Variants in NIN observed in about 807,000 individuals in gnomAD.
NIN encodes the protein glycogen synthase kinase 3 beta-interacting protein.
Under a neutral mutation model 257.6 loss-of-function variants are expected in NIN, and 137 were observed. The ratio of observed to expected loss-of-function variants is 0.53; its 90% CI spans 0.46 to 0.61. The LOEUF (loss-of-function observed/expected upper bound fraction) is 0.61. Ranked by LOEUF, NIN falls within the 20% of genes least tolerant of loss-of-function variation. The pLI is 0.00. For synonymous variants in NIN, 918 were observed against 919.8 expected (o/e 1.00, Z 0.04); for missense variants, 2,439 against 2,501.2 (o/e 0.98, Z 0.53).
chr14:50,743,276 C>T (rs1308696606), intron 24 of NIN, 140 bp downstream of exon 24: 1 of 613,992 alleles, frequency 1.6e-6, no homozygotes, highest in East Asian at 3.0e-5. Context: ...ACTATAAACA[C>T]ACATCAAACA....
rs1437317414 is a variant in NIN, at chr14:50,743,537, A to C, written c.5188-8T>G. On this transcript the variant is annotated splice_region_variant and splice_polypyrimidine_tract_variant and intron_variant, in intron 23 of 30. Coordinates refer to ENST00000530997, the MANE Select transcript of NIN (RefSeq NM_020921.4). ...AAGACTTGATTTTGCCAACTGTTTC[A>C]GGAAGGGAAAAAGAGGTAAGAGGGC... 3.8e-6 allele frequency: 6 copies of C among 1,592,810 alleles called. No individual in the cohort carries two copies. Among genetic ancestry groups the C allele is most frequent in the African/African-American group, 2.7e-5 (2 of 74,486 alleles).
chr14:50,766,492 T>C lies in NIN; in HGVS notation c.1546-96A>G, dbSNP rs953108131. 7 of 1,059,030 alleles carry C rather than the reference T, an allele frequency of 6.6e-6. No homozygotes were observed. The Admixed American group carries it at 1.1e-4, about 17-fold the overall frequency. The allele number at this position is 1,059,030 out of a possible 1,614,324, so 65.6% of individuals were successfully genotyped here. A position where few individuals can be genotyped will look rare whatever the true frequency, so the allele number is the denominator to read the frequency against. On this transcript the variant is annotated intron_variant, in intron 13 of 30. Transcript: ENST00000530997. ...CAGTTTCTGGTATTCACCCAGTCTCTTGAGTATGATAGGAATGTGACATGT... is the reference window on the plus strand; with the variant it reads ...CAGTTTCTGGTATTCACCCAGTCTCCTGAGTATGATAGGAATGTGACATGT...
Position 50,729,510 on chromosome 14 carries a change from G to A in NIN, c.6078+13C>T. The A allele has an allele frequency of 6.2e-7, 1 of 1,609,348 alleles. No homozygotes were observed. ...TTAACAGGTGATCTACTAGAGTAGA[G>A]AGAGCTTCATACCTGTGGTGTGTTG... On this transcript the variant is annotated intron_variant, in intron 29 of 30. Transcript: ENST00000530997.
At chr14:50,795,456 CAG>C (rs1318748453) in intron 4 of NIN, among the ~76,000 whole-genome samples, 1 of 152,194 alleles carries the variant, frequency 6.6e-6, no homozygotes, top group African/African-American at 2.4e-5. Flanking sequence ...CAATCTCAAT[CAG>C]AGATTTAGAA....
intron 3 of NIN, among the ~76,000 whole-genome samples, chr14:50,819,439 G>A (rs1445872050): frequency 1.3e-5 from 2 of 152,146 alleles, no homozygotes; most frequent in Non-Finnish European, 2.9e-5. Flanking sequence ...CACGAGATCT[G>A]ATGGTTTTAT....
Position 50,722,609 on chromosome 14 carries a change from G to C in NIN, c.*854C>G, listed in dbSNP as rs2040292915. On this transcript the variant is annotated 3_prime_UTR_variant, in exon 31 of 31. Transcript: ENST00000530997. The stretch of plus-strand genomic sequence containing the variant: ...AGTAAATTTATGAACTCTAAGATTT[G>C]AGAGACAGAAAACCTACATGGTCTG... The C allele has an allele frequency of 9.4e-6, 2 of 213,424 alleles. No individual in the cohort carries two copies. Among genetic ancestry groups the C allele is most frequent in the Non-Finnish European group, 1.9e-5 (2 of 105,184 alleles). The allele number at this position is 213,424 out of a possible 1,614,324, so 13.2% of individuals were successfully genotyped here.
In NIN at chr14:50,725,959, T is replaced by C. The variant is rs752164688; in HGVS notation, c.6186A>G (p.Lys2062=). The C allele has an allele frequency of 6.2e-7, 1 of 1,614,092 alleles. No individual in the cohort carries two copies. The highest frequency in any genetic ancestry group is 2.2e-5 in the East Asian group (1 of 44,876). ...GATGACCGGGTAGGCTCACTTGTTCTTTGAGCTGATTCACTTTCTCTTGAA... is the reference window on the plus strand; with the variant it reads ...GATGACCGGGTAGGCTCACTTGTTCCTTGAGCTGATTCACTTTCTCTTGAA... ...RLLQEKVNQL[K]EQLCKNTKAD... Residue 2062 remains lysine (K), a synonymous_variant, in exon 30 of 31, where the codon AAA becomes AAG. Transcript: ENST00000530997.
chr14:50,754,572 T>C lies in NIN; in HGVS notation c.4725A>G (p.Leu1575=). Residue 1575 remains leucine, a synonymous_variant, in exon 20 of 31, where the codon TTA becomes TTG. Coordinates refer to ENST00000530997, the MANE Select transcript of NIN (RefSeq NM_020921.4). ...NAAVQKMVEN[L]KKQISELKIK... ...TTAAGTATTTCCTTACCTGTTTCTT[T>C]AAATTTTCAACCATCTTCTGAACTG... is the stretch of plus-strand genomic sequence containing the variant. The C allele has an allele frequency of 6.2e-7, 1 of 1,605,892 alleles. No homozygotes were observed. The highest frequency in any genetic ancestry group is 1.1e-5 in the South Asian group (1 of 89,112).
intron 2 of NIN, among the ~76,000 whole-genome samples, chr14:50,827,299 C>T (rs1394869046): frequency 6.6e-6 from 1 of 152,260 alleles, no homozygotes; most frequent in Non-Finnish European, 1.5e-5. Flanking sequence ...TGCTGCTTAG[C>T]AGCAAACTGA....
rs1270266696 is a variant in NIN, at chr14:50,756,810, T to A, written c.4220A>T (p.His1407Leu). The A allele has an allele frequency of 6.4e-7, 1 of 1,551,732 alleles. No individual in the cohort carries two copies. The highest frequency in any genetic ancestry group is 1.2e-5 in the South Asian group (1 of 84,070). Residue 1407 changes from histidine (H) to leucine (L), a missense_variant, in exon 18 of 31, where the codon CAT becomes CTT. By Grantham distance (99) the His-to-Leu change is moderately conservative. Coordinates refer to ENST00000530997, the MANE Select transcript of NIN (RefSeq NM_020921.4). ...NTQLLEKVKA[H>L]EIAWLHGTIQ... ...TGTTCCATGTAACCAGGCAATTTCA[T>A]GTGCTTTTACTTTTTCCAAGAGCTG...
chr14:50,732,262 G>A (rs771823005), intron 28 of NIN, among the ~76,000 whole-genome samples: 6 of 152,142 alleles, frequency 3.9e-5, no homozygotes, highest in Non-Finnish European at 7.3e-5. Flanking sequence ...CAAATCCCCT[G>A]AATCCAGAGA....
intron 21 of NIN, among the ~76,000 whole-genome samples, chr14:50,749,777 C>T (rs957064427): frequency 3.9e-5 from 6 of 152,140 alleles, no homozygotes; most frequent in Non-Finnish European, 8.8e-5. Context: ...GCAGCCTCGA[C>T]CTCCCAGGCT....
chr14:50,733,875 A>G (rs1391926308), intron 28 of NIN, among the ~76,000 whole-genome samples: 1 of 152,200 alleles, frequency 6.6e-6, no homozygotes, highest in Non-Finnish European at 1.5e-5. Context: ...AGACTTCACT[A>G]AAACTTTCAT....
At position 50,765,064 on chromosome 14, in the gene NIN, A is replaced by T. The variant is rs111755658; in HGVS notation, c.1636-1100T>A. ...ACATGGTGAAACCCTGTCTCTACTT[A>T]AAAAAAAAAAAAAAAAAAAAAAAAA... is the stretch of plus-strand genomic sequence containing the variant. On this transcript the variant is annotated intron_variant, in intron 14 of 30. Transcript: ENST00000530997. 5.0e-3 allele frequency among the ~76,000 whole-genome samples: 190 copies of T among 37,678 alleles called. 4 individuals are homozygous for T. Among genetic ancestry groups the T allele is most frequent in the Admixed American group, 0.029 (83 of 2,882 alleles). The allele number at this position is 37,678 out of a possible 152,430, so 24.7% of individuals were successfully genotyped here.
chr14:50,727,857 C>T, intron 29 of NIN: 1 of 902,338 alleles, frequency 1.1e-6, no homozygotes, highest in Non-Finnish European at 1.7e-6. Flanking sequence ...TAAAAGCACA[C>T]ACATTAACAC....
intron 5 of NIN, among the ~76,000 whole-genome samples, chr14:50,779,154 T>C (rs1326949764): frequency 6.6e-6 from 1 of 152,244 alleles, no homozygotes; most frequent in Non-Finnish European, 1.5e-5. Context: ...CATGCATTTA[T>C]GAATTTATTC....
intron 5 of NIN, among the ~76,000 whole-genome samples, chr14:50,779,094 C>T (rs1433508024): frequency 1.3e-5 from 2 of 152,192 alleles, no homozygotes; most frequent in African/African-American, 4.8e-5. Context: ...ACCAATTAAA[C>T]CCAGCCAAAG....
Position 50,721,161 on chromosome 14 carries a change from T to C in NIN, c.*2302A>G, listed in dbSNP as rs953258633. 2.5e-5 allele frequency: 5 copies of C among 200,792 alleles called. No individual in the cohort carries two copies. In the Admixed American group the frequency reaches 3.0e-4, roughly 12 times the overall value. 12.4% of individuals were successfully genotyped at this position (200,792 alleles called of 1,614,324 possible). ...GGTATCTGTATGGTATTTCTCATAT[T>C]GATCTTTTTCCCAATCTCATAAGTG... On this transcript the variant is annotated 3_prime_UTR_variant, in exon 31 of 31. Coordinates refer to ENST00000530997, the MANE Select transcript of NIN (RefSeq NM_020921.4).
chr14:50,812,176 G>A (rs568811920), intron 3 of NIN, among the ~76,000 whole-genome samples: 3 of 152,266 alleles, frequency 2.0e-5, no homozygotes, highest in African/African-American at 4.8e-5. Context: ...GATGAATGAC[G>A]ATATTATCGT....
Sources: gnomAD v4.1 joint callset for allele counts (sites outside exome capture counted in the v4.1 genomes callset) on GRCh38, gnomAD v4.1.1 for gene constraint, MANE v1.5 for transcripts, NCBI Gene and HGNC (gene_info 2026-07-23, HGNC 2026-07-21) for gene names.